The following GRIP1 variants were observed in gnomAD, a reference collection of about 807,000 sequenced individuals.
The protein encoded by GRIP1 is glutamate receptor-interacting protein 1.
GRIP1 carries 45 observed loss-of-function variants against 129.9 expected under a neutral mutation model. The observed-to-expected ratio is 0.35, with a 90% CI of 0.27 to 0.44. The LOEUF is 0.44. Among genes scored for constraint, GRIP1 ranks in the 20% least tolerant of loss-of-function variants. The probability of loss-of-function intolerance (pLI) is 1.00; values close to 1 mark genes in which losing one functional copy is unlikely to be tolerated. For synonymous variants in GRIP1, 530 were observed against 520.8 expected, an observed-to-expected ratio of 1.02 and a Z score of -0.24; for missense variants, 1,196 against 1,396.8, an observed-to-expected ratio of 0.86 and a Z score of 2.29.
intron 11 of GRIP1, among the ~76,000 whole-genome samples, chr12:66,451,513 T>G (rs1036708427): frequency 2.8e-5 from 4 of 143,668 alleles, no homozygotes; most frequent in African/African-American, 7.8e-5. Context: ...AAGCGATCCT[T>G]CCACCTCAGC....
chr12:66,556,209 C>T (rs187467019), intron 2 of GRIP1, among the ~76,000 whole-genome samples: 42 of 152,060 alleles, frequency 2.8e-4, no homozygotes, highest in Admixed American at 7.9e-4. Flanking sequence ...TAGAATGGAG[C>T]TCCAGTAAAT....
chr12:66,949,652 G>A (rs2041723928), intron 1 of GRIP1, among the ~76,000 whole-genome samples: 1 of 151,782 alleles, frequency 6.6e-6, no homozygotes, highest in Non-Finnish European at 1.5e-5. Context: ...GTGCATTAAA[G>A]GTAATCACCC....
At chr12:66,729,898 TG>T (rs1227601854) in intron 1 of GRIP1, among the ~76,000 whole-genome samples, 1 of 152,198 alleles carries the variant, frequency 6.6e-6, no homozygotes, top group Non-Finnish European at 1.5e-5. Flanking sequence ...TAAGCCTCTC[TG>T]ACTATAAGAC....
At chr12:66,442,596 A>G (rs2058499559) in intron 13 of GRIP1, among the ~76,000 whole-genome samples, 1 of 152,282 alleles carries the variant, frequency 6.6e-6, no homozygotes, top group African/African-American at 2.4e-5. Context: ...CAGTGGTACA[A>G]TCACTGCTCA....
chr12:66,782,888 A>C (rs971612967), intron 1 of GRIP1, among the ~76,000 whole-genome samples: 2 of 152,224 alleles, frequency 1.3e-5, no homozygotes, highest in Non-Finnish European at 2.9e-5. Flanking sequence ...AAGTTAACAT[A>C]CTTTGACAAA....
chr12:66,757,680 C>T (rs1427168749), intron 1 of GRIP1, among the ~76,000 whole-genome samples: 1 of 152,150 alleles, frequency 6.6e-6, no homozygotes, highest in Non-Finnish European at 1.5e-5. Context: ...AAATTGTTCT[C>T]CATAGTGGTT....
chr12:66,814,938 C>T (rs1448259731), intron 1 of GRIP1, among the ~76,000 whole-genome samples: 8 of 152,084 alleles, frequency 5.3e-5, no homozygotes, highest in African/African-American at 1.7e-4. Context: ...CTCACTATCA[C>T]AAGAACAGCA....
In GRIP1 at chr12:66,571,879, T is replaced by C. The variant is rs145766216; in HGVS notation, c.136+24968A>G. 6.4e-3 allele frequency among the ~76,000 whole-genome samples: 970 copies of C among 152,338 alleles called. 9 individuals are homozygous for C. The highest frequency in any genetic ancestry group is 0.022 in the African/African-American group (923 of 41,578). On this transcript the variant is annotated intron_variant, in intron 2 of 24. Coordinates refer to ENST00000359742, the MANE Select transcript of GRIP1 (RefSeq NM_001366722.1). Reference sequence around the variant, plus strand: ...CAGGGCTCGGAGTTAGGTATGGGCATGGCAGAGGGTGTATTTGAGTGTTTG... The same window carrying C: ...CAGGGCTCGGAGTTAGGTATGGGCACGGCAGAGGGTGTATTTGAGTGTTTG...
intron 6 of GRIP1, 104 bp from the exon 7 acceptor site, chr12:66,515,868 C>A: frequency 2.3e-6 from 2 of 887,022 alleles, no homozygotes; most frequent in Non-Finnish European, 1.9e-6. Flanking sequence ...ATTCTGCCAT[C>A]CATCTCATTT....
At chr12:66,979,228 A>G (rs1020482410) in intron 1 of GRIP1, among the ~76,000 whole-genome samples, 4 of 117,662 alleles carry the variant, frequency 3.4e-5, no homozygotes, top group African/African-American at 1.5e-4. Context: ...TTCTTAAAAA[A>G]AAAAAAAAAA....
intron 4 of GRIP1, among the ~76,000 whole-genome samples, chr12:66,531,250 AAAATATATATATATATAT>A (rs2061443272): frequency 2.8e-5 from 1 of 35,122 alleles, no homozygotes; most frequent in Non-Finnish European, 4.9e-5. Flanking sequence ...AAAAAAAAAA[AAAATATATATATATATAT>A]ATATATATAT....
intron 19 of GRIP1, among the ~76,000 whole-genome samples, chr12:66,386,718 T>C (rs532465873): frequency 6.6e-6 from 1 of 152,378 alleles, no homozygotes; most frequent in African/African-American, 2.4e-5. Flanking sequence ...ACTTTCATTC[T>C]TGGAAACCAA....
In GRIP1 at chr12:66,379,296, G is replaced by C. The variant is rs747210276; in HGVS notation, c.2605C>G (p.Arg869Gly). The change falls in exon 20 of 25, where the codon CGG becomes GGG. Residue 869 changes from arginine (R) to glycine (G), a missense_variant. This residue lies in a region of GRIP1 where 427 missense variants were observed against 463.3 expected (regional missense o/e 0.92). Coordinates refer to ENST00000359742, the MANE Select transcript of GRIP1 (RefSeq NM_001366722.1). Reference protein sequence around the residue: ...DVGLSYEDWDRSTASGFAGAA... With the variant: ...DVGLSYEDWDGSTASGFAGAA... ...AAACCTTACCCACTGGCTGTGGACC[G>C]GTCCCAGTCTTCATAACTCAGCCCC... The C allele has an allele frequency of 8.1e-6, 13 of 1,613,750 alleles. 1 individual carries two copies. The Admixed American group carries it at 1.8e-4, about 23-fold the overall frequency.
intron 1 of GRIP1, among the ~76,000 whole-genome samples, chr12:66,758,096 A>C (rs1000897516): frequency 2.0e-5 from 3 of 152,218 alleles, no homozygotes; most frequent in Admixed American, 1.3e-4. Flanking sequence ...CTGGTTTAGA[A>C]ATATTTTTAG....
At chr12:66,870,790 T>C (rs2040282871) in intron 1 of GRIP1, among the ~76,000 whole-genome samples, 1 of 152,120 alleles carries the variant, frequency 6.6e-6, no homozygotes, top group African/African-American at 2.4e-5. Flanking sequence ...TTTACAGTCA[T>C]GGCCTTCGTA....
At chr12:66,793,130 A>G (rs1307689394) in intron 1 of GRIP1, among the ~76,000 whole-genome samples, 2 of 152,186 alleles carry the variant, frequency 1.3e-5, no homozygotes, top group East Asian at 3.8e-4. Context: ...CTCTGATCTT[A>G]TGAAAGTTTT....
intron 1 of GRIP1, among the ~76,000 whole-genome samples, chr12:66,877,366 T>C (rs544306264): frequency 6.6e-6 from 1 of 152,226 alleles, no homozygotes; most frequent in South Asian, 2.1e-4. Flanking sequence ...GTTGATATTG[T>C]TGGTAAAATG....
chr12:66,353,920 T>G (rs2054353924), intron 23 of GRIP1, among the ~76,000 whole-genome samples: 1 of 152,172 alleles, frequency 6.6e-6, no homozygotes, highest in African/African-American at 2.4e-5. Flanking sequence ...CAGCAGCCCT[T>G]TACAACTGCT....
chr12:66,612,558 G>T (rs1185859776), intron 1 of GRIP1, among the ~76,000 whole-genome samples: 4 of 152,064 alleles, frequency 2.6e-5, no homozygotes, highest in African/African-American at 9.7e-5. Flanking sequence ...GATCACTTGA[G>T]CCTGGGAGGT....
Sources: gnomAD v4.1 joint callset for allele counts (sites outside exome capture counted in the v4.1 genomes callset) on GRCh38, gnomAD v4.1.1 for gene constraint, gnomAD v4.1.1 regional missense constraint, MANE v1.5 for transcripts, NCBI Gene and HGNC (gene_info 2026-07-23, HGNC 2026-07-21) for gene names.